Variants in PTPRT observed in about 807,000 individuals in gnomAD.
PTPRT encodes the protein receptor-type tyrosine-protein phosphatase T.
A neutral mutation model predicts 176.8 loss-of-function variants in PTPRT; 56 were observed. The ratio of observed to expected loss-of-function variants is 0.32; its 90% CI spans 0.26 to 0.40. PTPRT has a LOEUF of 0.40. Ranked by LOEUF, PTPRT falls within the 10% of genes least tolerant of loss-of-function variation. PTPRT has a pLI of 1.00. For missense variants in PTPRT, 1,540 were observed against 1,908.2 expected (o/e 0.81, Z 3.60); for synonymous variants, 783 against 739.0 (o/e 1.06, Z -0.96).
rs183486918 is a variant in PTPRT at position 42,670,876 on chromosome 20, A to C, written c.1153+6990T>G. Among the ~76,000 whole-genome samples the C allele has an allele frequency of 2.8e-3, 424 of 152,318 alleles. 2 individuals carry two copies. The highest frequency in any genetic ancestry group is 0.014 in the Middle Eastern group (4 of 294). On this transcript the variant is annotated intron_variant, in intron 7 of 30. Transcript: ENST00000373187. ...GAAAGCAATGTCTGGGGATTAAGTG[A>C]GACAACTGAGTGGCTGAAGACCTGT...
At chr20:42,570,876 A>G (rs1344287695) in intron 7 of PTPRT, among the ~76,000 whole-genome samples, 2 of 151,866 alleles carry the variant, frequency 1.3e-5, no homozygotes, top group Non-Finnish European at 2.9e-5. Flanking sequence ...CTTAATCTAT[A>G]AAGTCCTTTT....
At chr20:42,374,693 A>T (rs1450913593) in intron 9 of PTPRT, among the ~76,000 whole-genome samples, 3 of 152,210 alleles carry the variant, frequency 2.0e-5, no homozygotes, top group Non-Finnish European at 1.5e-5. Flanking sequence ...CCTCACCAGA[A>T]ATCAAATACT....
chr20:42,966,359 TTATTTC>T (rs1260224645), intron 1 of PTPRT: 1 of 152,202 alleles, frequency 6.6e-6, no homozygotes, highest in Non-Finnish European at 1.5e-5. Context: ...AACTTATCGG[TTATTTC>T]TATGTCTATT....
intron 19 of PTPRT, among the ~76,000 whole-genome samples, chr20:42,123,418 T>C (rs1011075877): frequency 5.9e-5 from 9 of 152,232 alleles, no homozygotes; most frequent in African/African-American, 2.2e-4. Context: ...ACTTTGCTTT[T>C]GAGCAACTTA....
chr20:43,184,462 G>C (rs769377270), intron 1 of PTPRT, among the ~76,000 whole-genome samples: 21 of 152,174 alleles, frequency 1.4e-4, no homozygotes, highest in Admixed American at 2.6e-4. Flanking sequence ...GTCGAGGCGG[G>C]AGGATCACAA....
At chr20:42,531,606 C>A (rs940352578) in intron 7 of PTPRT, among the ~76,000 whole-genome samples, 1 of 152,166 alleles carries the variant, frequency 6.6e-6, no homozygotes, top group East Asian at 1.9e-4. Context: ...GTATAGCCAA[C>A]CTTGAGAACA....
intron 2 of PTPRT, among the ~76,000 whole-genome samples, chr20:42,806,770 G>A (rs1375027105): frequency 1.3e-5 from 2 of 152,172 alleles, no homozygotes; most frequent in Non-Finnish European, 2.9e-5. Context: ...TGCATAGGCT[G>A]TAGTTTGCTG....
At chr20:42,047,877 A>G in the PTPRT span, among the ~76,000 whole-genome samples, 2 of 152,228 alleles carry the variant, frequency 1.3e-5, no homozygotes, top group South Asian at 2.1e-4. Flanking sequence ...CCCAGTGCCC[A>G]ATATCATCTT....
intron 7 of PTPRT, among the ~76,000 whole-genome samples, chr20:42,556,934 C>T (rs1020300795): frequency 6.6e-6 from 1 of 152,130 alleles, no homozygotes; most frequent in Non-Finnish European, 1.5e-5. Flanking sequence ...GGGTCTGAGA[C>T]CACCACCAGC....
At chr20:42,690,338 CA>C (rs1243570573) in intron 6 of PTPRT, among the ~76,000 whole-genome samples, 6 of 152,110 alleles carry the variant, frequency 3.9e-5, no homozygotes, top group African/African-American at 1.4e-4. Flanking sequence ...GAGAAACAGA[CA>C]GGGGGACCAA....
At chr20:42,719,178 C>T (rs2146224693) in intron 6 of PTPRT, among the ~76,000 whole-genome samples, 1 of 152,306 alleles carries the variant, frequency 6.6e-6, no homozygotes, top group Admixed American at 6.5e-5. Flanking sequence ...ACTCCAACAG[C>T]TAGTTAATCG....
chr20:43,082,598 CCT>C (rs1253587592), intron 1 of PTPRT, among the ~76,000 whole-genome samples: 13 of 152,214 alleles, frequency 8.5e-5, no homozygotes, highest in African/African-American at 2.9e-4. Flanking sequence ...ACTCCCTCCC[CCT>C]GTTTTTTCAG....
chr20:42,264,247 C>A (rs1476538972), intron 13 of PTPRT, among the ~76,000 whole-genome samples: 1 of 152,216 alleles, frequency 6.6e-6, no homozygotes, highest in Non-Finnish European at 1.5e-5. Flanking sequence ...TAACAATCAT[C>A]TCCCACAGAA....
At chr20:42,376,179 C>T (rs1002354150) in intron 9 of PTPRT, among the ~76,000 whole-genome samples, 1 of 152,166 alleles carries the variant, frequency 6.6e-6, no homozygotes, top group Admixed American at 6.5e-5. Context: ...AAGATGGAAA[C>T]GCTCCACCCT....
intron 17 of PTPRT, among the ~76,000 whole-genome samples, chr20:42,153,082 T>C (rs1989206010): frequency 2.0e-5 from 3 of 149,962 alleles, no homozygotes; most frequent in Admixed American, 1.3e-4. Flanking sequence ...AAACTTCTGA[T>C]AGCTTTTGGC....
intron 7 of PTPRT, among the ~76,000 whole-genome samples, chr20:42,536,509 G>C (rs74957880): frequency 6.6e-6 from 1 of 152,146 alleles, no homozygotes; most frequent in East Asian, 1.9e-4. Flanking sequence ...GGAGATACCT[G>C]CATTCCTGTG....
At chr20:42,325,427 A>C (rs1406998992) in intron 11 of PTPRT, among the ~76,000 whole-genome samples, 3 of 152,182 alleles carry the variant, frequency 2.0e-5, no homozygotes, top group Non-Finnish European at 4.4e-5. Flanking sequence ...TGGGTAAAGG[A>C]ATCATGAAAA....
chr20:42,530,609 C>A (rs1479074099), intron 7 of PTPRT, among the ~76,000 whole-genome samples: 2 of 152,154 alleles, frequency 1.3e-5, no homozygotes, highest in Admixed American at 1.3e-4. Context: ...CCTCTGAGTA[C>A]CACGTTTTCT....
chr20:42,448,874 CA>C (rs34886597), intron 8 of PTPRT, among the ~76,000 whole-genome samples: 3,437 of 147,800 alleles, frequency 0.023, 53 homozygotes, highest in Non-Finnish European at 0.035. Context: ...AAAAAAATTA[CA>C]AAAAAAAAAT....
Sources: allele counts gnomAD v4.1 joint callset (sites outside exome capture counted in the v4.1 genomes callset), GRCh38; gene constraint gnomAD v4.1.1; transcripts MANE v1.5; gene names NCBI Gene and HGNC (gene_info 2026-07-23, HGNC 2026-07-21).